GLCE: variants seen among roughly 807,000 people sequenced by gnomAD.
GLCE encodes glucuronic acid epimerase.
A neutral mutation model predicts 47.9 loss-of-function variants in GLCE; 19 were observed. The observed-to-expected ratio is 0.40, with a 90% confidence interval of 0.28 to 0.58. The LOEUF (loss-of-function observed/expected upper bound fraction) is 0.58, where lower values mean the gene tolerates loss of function less well. Ranked by LOEUF, GLCE falls within the 20% of genes least tolerant of loss-of-function variation. The pLI is 0.48. For synonymous variants in GLCE, 245 were observed against 263.4 expected (o/e 0.93, Z 0.68); for missense variants, 556 against 743.3 (o/e 0.75, Z 2.93).
At chr15:69,262,533 A>G (rs1371765482) in intron 4 of GLCE, among the ~76,000 whole-genome samples, 1 of 152,180 alleles carries the variant, frequency 6.6e-6, no homozygotes, top group Non-Finnish European at 1.5e-5. Flanking sequence ...AGCAGCCCTC[A>G]CCTTGATCTC....
chr15:69,201,454 CT>C (rs760959211), intron 1 of GLCE, among the ~76,000 whole-genome samples: 1 of 151,814 alleles, frequency 6.6e-6, no homozygotes, highest in Non-Finnish European at 1.5e-5. Context: ...GACATAGTAT[CT>C]GCCCTTGCCT....
At chr15:69,256,432 A>T (rs183709974) in intron 3 of GLCE, 40 bp downstream of exon 3, 1 of 1,344,756 alleles carries the variant, frequency 7.4e-7, no homozygotes, top group South Asian at 1.2e-5. Flanking sequence ...TTCAAGCATG[A>T]TTGTGTTGAG....
intron 2 of GLCE, among the ~76,000 whole-genome samples, chr15:69,215,570 G>A (rs1369359306): frequency 7.0e-6 from 1 of 143,838 alleles, no homozygotes; most frequent in African/African-American, 2.5e-5. Context: ...GTGTCTCTGT[G>A]TGTGTGTATA....
chr15:69,208,501 C>T (rs903689617), intron 1 of GLCE, among the ~76,000 whole-genome samples: 2 of 151,928 alleles, frequency 1.3e-5, no homozygotes, highest in African/African-American at 2.4e-5. Context: ...TTGATCTCTC[C>T]CTTCAGCAAT....
intron 2 of GLCE, among the ~76,000 whole-genome samples, chr15:69,243,187 T>C (rs1006605519): frequency 2.6e-5 from 4 of 151,874 alleles, no homozygotes; most frequent in Non-Finnish European, 4.4e-5. Context: ...GTATGTCAGG[T>C]AGGAGGCCCA....
intron 1 of GLCE, among the ~76,000 whole-genome samples, chr15:69,172,129 G>C (rs2051597698): frequency 6.6e-6 from 1 of 151,998 alleles, no homozygotes; most frequent in Non-Finnish European, 1.5e-5. Flanking sequence ...TTTTAAAAGG[G>C]AATTCAATTA....
At chr15:69,228,215 G>A (rs758870072) in intron 2 of GLCE, among the ~76,000 whole-genome samples, 2 of 152,138 alleles carry the variant, frequency 1.3e-5, no homozygotes. Context: ...GTCAAAACCA[G>A]TATGTATGGA....
chr15:69,186,918 G>T (rs534431667), intron 1 of GLCE, among the ~76,000 whole-genome samples: 1 of 152,010 alleles, frequency 6.6e-6, no homozygotes, highest in African/African-American at 2.4e-5. Context: ...GAACCCCAGG[G>T]TTTCACATTG....
At chr15:69,223,644 A>G (rs929553560) in intron 2 of GLCE, among the ~76,000 whole-genome samples, 3 of 152,136 alleles carry the variant, frequency 2.0e-5, no homozygotes, top group African/African-American at 7.2e-5. Flanking sequence ...TTTCATCATT[A>G]TTCATGTGAT....
rs555566635 is a variant in GLCE, at chr15:69,257,119, TTAAC to T, written c.586+735_586+738del. Among the ~76,000 whole-genome samples the T allele has an allele frequency of 2.8e-4, 43 of 152,332 alleles. No homozygotes were observed. In the East Asian group the frequency reaches 7.9e-3, roughly 28 times the overall value. On this transcript the variant is annotated intron_variant, in intron 3 of 4. Transcript: ENST00000261858. The stretch of plus-strand genomic sequence containing the variant: ...TTAAAATCTGTATTGAAGTAAGTTT[TTAAC>T]TAACTAAATATATATTTTTTGCTCT...
At chr15:69,230,243 T>G (rs1283786587) in intron 2 of GLCE, among the ~76,000 whole-genome samples, 1 of 145,152 alleles carries the variant, frequency 6.9e-6, no homozygotes, top group Non-Finnish European at 1.5e-5. Flanking sequence ...AGTAAACAGA[T>G]GAAAAAAGAT....
chr15:69,187,439 T>C (rs2051840869), intron 1 of GLCE, among the ~76,000 whole-genome samples: 3 of 152,208 alleles, frequency 2.0e-5, no homozygotes, highest in Admixed American at 1.3e-4. Flanking sequence ...GAGAGAGTAT[T>C]ATTGTCCCCA....
chr15:69,185,886 C>T (rs547840699), intron 1 of GLCE, among the ~76,000 whole-genome samples: 4 of 152,268 alleles, frequency 2.6e-5, no homozygotes, highest in East Asian at 1.9e-4. Flanking sequence ...GCCTCTGGAA[C>T]TTCTGACCAA....
intron 2 of GLCE, among the ~76,000 whole-genome samples, chr15:69,237,050 G>A (rs2052602359): frequency 6.6e-6 from 1 of 152,002 alleles, no homozygotes; most frequent in South Asian, 2.1e-4. Flanking sequence ...CTTTAAAATT[G>A]CAAAAGATTA....
intron 2 of GLCE, among the ~76,000 whole-genome samples, chr15:69,235,882 G>A (rs116398199): frequency 0.028 from 4,243 of 152,188 alleles, 200 homozygotes; most frequent in African/African-American, 0.097. Flanking sequence ...TTAACTACCA[G>A]CACAACAATC....
At chr15:69,258,647 T>C (rs1191353770) in intron 3 of GLCE, among the ~76,000 whole-genome samples, 1 of 152,188 alleles carries the variant, frequency 6.6e-6, no homozygotes, top group African/African-American at 2.4e-5. Flanking sequence ...GATATTTTGA[T>C]ACAGGCATGC....
At chr15:69,239,046 T>C (rs1363589238) in intron 2 of GLCE, among the ~76,000 whole-genome samples, 1 of 152,194 alleles carries the variant, frequency 6.6e-6, no homozygotes, top group East Asian at 1.9e-4. Context: ...ACAGAGACTG[T>C]GGGTTTCCTC....
At chr15:69,252,634 A>G (rs1349656865) in intron 2 of GLCE, among the ~76,000 whole-genome samples, 2 of 152,208 alleles carry the variant, frequency 1.3e-5, no homozygotes, top group Non-Finnish European at 2.9e-5. Context: ...GCAGGGTTGC[A>G]GGCATGCGAG....
chr15:69,161,612 G>A (rs1375560518), intron 1 of GLCE, among the ~76,000 whole-genome samples: 1 of 152,220 alleles, frequency 6.6e-6, no homozygotes, highest in Non-Finnish European at 1.5e-5. Flanking sequence ...AGGCTGGGCA[G>A]CATCCTGAAA....
Sources: gnomAD v4.1 joint callset for allele counts (sites outside exome capture counted in the v4.1 genomes callset) on GRCh38, gnomAD v4.1.1 for gene constraint, MANE v1.5 for transcripts, NCBI Gene and HGNC (gene_info 2026-07-23, HGNC 2026-07-21) for gene names.